Variants in PHACTR4 observed in about 807,000 individuals in gnomAD.
PHACTR4 encodes protein phosphatase 1, regulatory subunit 124.
Under a neutral mutation model 72.7 loss-of-function variants are expected in PHACTR4, and 51 were observed. The ratio of observed to expected loss-of-function variants is 0.70; its 90% confidence interval spans 0.56 to 0.89. PHACTR4 has a LOEUF of 0.89. Ranked by LOEUF, PHACTR4 falls within the 40% of genes least tolerant of loss-of-function variation. The pLI, the probability that PHACTR4 is intolerant of heterozygous loss-of-function variation, is 0.00. For synonymous variants in PHACTR4, 255 were observed against 302.5 expected, an observed-to-expected ratio of 0.84 and a Z score of 1.63; for missense variants, 731 against 861.8, an observed-to-expected ratio of 0.85 and a Z score of 1.90.
chr1:28,487,868 T>C (rs1660799445), intron 9 of PHACTR4, among the ~76,000 whole-genome samples: 1 of 150,886 alleles, frequency 6.6e-6, no homozygotes, highest in Non-Finnish European at 1.5e-5. Flanking sequence ...CCCGAGTAGC[T>C]GGGACTACAG....
At chr1:28,486,346 ACTCTGT>A (rs1660644723) in intron 9 of PHACTR4, among the ~76,000 whole-genome samples, 1 of 152,136 alleles carries the variant, frequency 6.6e-6, no homozygotes, top group African/African-American at 2.4e-5. Context: ...ACAGTGCAAA[ACTCTGT>A]CTCAAAAAGA....
intron 2 of PHACTR4, chr1:28,438,504 T>G (rs1285154416): frequency 6.6e-7 from 1 of 1,521,056 alleles, no homozygotes; most frequent in East Asian, 2.3e-5. Flanking sequence ...CTTGAGTATT[T>G]ATGTGAAGTT....
intron 13 of PHACTR4, 34 bp downstream of exon 13, chr1:28,493,125 A>G (rs944868657): frequency 1.3e-6 from 2 of 1,579,614 alleles, no homozygotes; most frequent in African/African-American, 2.7e-5. Context: ...TATATGTGCT[A>G]GGTAGAGTTT....
intron 2 of PHACTR4, among the ~76,000 whole-genome samples, chr1:28,431,322 G>C (rs1432457132): frequency 2.0e-5 from 3 of 150,404 alleles, no homozygotes; most frequent in Non-Finnish European, 3.0e-5. Context: ...GGCCTCCCAA[G>C]TAGCTGGGAC....
intron 1 of PHACTR4, among the ~76,000 whole-genome samples, chr1:28,401,367 C>A (rs1653933624): frequency 7.0e-6 from 1 of 142,110 alleles, no homozygotes. Flanking sequence ...AGTGCAGTGG[C>A]ACGATCTTGG....
intron 1 of PHACTR4, among the ~76,000 whole-genome samples, chr1:28,385,284 C>A (rs1202909349): frequency 6.6e-6 from 1 of 151,904 alleles, no homozygotes; most frequent in East Asian, 1.9e-4. Context: ...TGGCTTATGC[C>A]TGTAATCTCA....
At chr1:28,458,108 TTG>T (rs539564108) in intron 2 of PHACTR4, among the ~76,000 whole-genome samples, 40,859 of 119,902 alleles carry the variant, frequency 0.34, 5,954 homozygotes, top group Non-Finnish European at 0.37. Flanking sequence ...GTGTGTGTGT[TTG>T]TGTGTGTGTG....
At chr1:28,440,875 A>C (rs1359412229) in intron 2 of PHACTR4, among the ~76,000 whole-genome samples, 6 of 152,184 alleles carry the variant, frequency 3.9e-5, no homozygotes, top group African/African-American at 1.4e-4. Flanking sequence ...AGCTGTTTGG[A>C]AAATCTCACC....
chr1:28,412,011 C>G (rs1654826075), intron 2 of PHACTR4, among the ~76,000 whole-genome samples: 2 of 152,086 alleles, frequency 1.3e-5, no homozygotes, highest in Non-Finnish European at 2.9e-5. Context: ...CCTAAGGTCT[C>G]TAGGACCTTT....
intron 2 of PHACTR4, among the ~76,000 whole-genome samples, chr1:28,444,354 C>T (rs890219951): frequency 2.0e-5 from 3 of 150,036 alleles, no homozygotes; most frequent in African/African-American, 4.9e-5. Context: ...CCCAGCCTCC[C>T]GAGTAGCTGG....
At chr1:28,376,766 A>G (rs1335151424) in intron 1 of PHACTR4, among the ~76,000 whole-genome samples, 1 of 151,608 alleles carries the variant, frequency 6.6e-6, no homozygotes, top group Non-Finnish European at 1.5e-5. Context: ...CCTCCCAAGT[A>G]GCTGGGACTA....
chr1:28,398,504 G>T (rs1653693848), intron 1 of PHACTR4, among the ~76,000 whole-genome samples: 1 of 152,000 alleles, frequency 6.6e-6, no homozygotes, highest in South Asian at 2.1e-4. Flanking sequence ...CTGGGCAACA[G>T]AGTAGACAGA....
chr1:28,448,426 A>AAAAGGAAAGG (rs77755219), intron 2 of PHACTR4, among the ~76,000 whole-genome samples: 16 of 147,964 alleles, frequency 1.1e-4, no homozygotes, highest in East Asian at 3.9e-4. Context: ...GGGGAAAGGA[A>AAAAGGAAAGG]AAAGGAAAGG....
intron 1 of PHACTR4, among the ~76,000 whole-genome samples, chr1:28,389,728 G>A (rs1652853031): frequency 6.6e-6 from 1 of 152,034 alleles, no homozygotes; most frequent in South Asian, 2.1e-4. Flanking sequence ...GCCTGCCTCG[G>A]CCCCCCACCA....
chr1:28,465,590 A>G, intron 4 of PHACTR4, 95 bp from the exon 5 acceptor site: 1 of 1,306,946 alleles, frequency 7.7e-7, no homozygotes, highest in Admixed American at 2.3e-5. Context: ...GTCTCAATTT[A>G]AAAAAGAGAG....
At chr1:28,471,501 G>A (rs1336405019) in intron 6 of PHACTR4, among the ~76,000 whole-genome samples, 3 of 151,406 alleles carry the variant, frequency 2.0e-5, no homozygotes, top group African/African-American at 4.9e-5. Flanking sequence ...AAGGTTAGAG[G>A]TTGGTGATCA....
At chr1:28,457,002 T>C (rs1658439341) in intron 2 of PHACTR4, among the ~76,000 whole-genome samples, 2 of 152,194 alleles carry the variant, frequency 1.3e-5, no homozygotes, top group African/African-American at 4.8e-5. Context: ...AGACCCAGAA[T>C]GTCCTTGTAT....
At position 28,454,299 on chromosome 1, in the gene PHACTR4, C is replaced by T. The variant is rs544325884; in HGVS notation, c.17-4786C>T. Among the ~76,000 whole-genome samples, 1,058 of 107,766 alleles carry T rather than the reference C, an allele frequency of 9.8e-3. 14 individuals are homozygous for T. Among genetic ancestry groups the T allele is most frequent in the African/African-American group, 0.037 (1,010 of 27,000 alleles). 70.7% of individuals were successfully genotyped at this position (107,766 alleles called of 152,430 possible). A position where few individuals can be genotyped will look rare whatever the true frequency, so the allele number is the denominator to read the frequency against. ...TTTTTTTTTTTTTTTTTTTTTGAGA[C>T]GGAGTCTCGCTCTGTCGCCCAGGCT... is the stretch of plus-strand genomic sequence containing the variant. On this transcript the variant is annotated intron_variant, in intron 2 of 13. Coordinates refer to ENST00000373839, the MANE Select transcript of PHACTR4 (RefSeq NM_001048183.3).
chr1:28,393,935 A>T (rs2124206736), intron 1 of PHACTR4, among the ~76,000 whole-genome samples: 1 of 151,294 alleles, frequency 6.6e-6, no homozygotes, highest in African/African-American at 2.4e-5. Context: ...CTGGTCTTGA[A>T]CTCCTGGGCT....
Sources: gnomAD v4.1 joint callset for allele counts (sites outside exome capture counted in the v4.1 genomes callset) on GRCh38, gnomAD v4.1.1 for gene constraint, MANE v1.5 for transcripts, NCBI Gene and HGNC (gene_info 2026-07-23, HGNC 2026-07-21) for gene names.